Variants in ELF2 observed in about 807,000 individuals in gnomAD.
ELF2 encodes the protein E74 like ETS transcription factor 2, also known as ETS-related transcription factor Elf-2.
Under a neutral mutation model 54.8 loss-of-function variants are expected in ELF2, and 11 were observed. The observed-to-expected ratio is 0.20, with a 90% CI of 0.13 to 0.33. The LOEUF (loss-of-function observed/expected upper bound fraction) is 0.33. ELF2 is among the 10% of genes least tolerant of loss of function. ELF2 has a pLI of 1.00. For synonymous variants in ELF2, 203 were observed against 245.1 expected, an observed-to-expected ratio of 0.83 and a Z score of 1.61; for missense variants, 513 against 703.0, an observed-to-expected ratio of 0.73 and a Z score of 3.06.
intron 1 of ELF2, among the ~76,000 whole-genome samples, chr4:139,158,041 C>G (rs1226006238): frequency 6.6e-6 from 1 of 152,124 alleles, no homozygotes; most frequent in Admixed American, 6.5e-5. Context: ...TTTATTTCAC[C>G]TGGGTGCAGG....
chr4:139,143,754 C>T (rs749296361), intron 1 of ELF2, among the ~76,000 whole-genome samples: 2 of 151,730 alleles, frequency 1.3e-5, no homozygotes, highest in Non-Finnish European at 2.9e-5. Flanking sequence ...CAATCCAGCC[C>T]GGGCAACAGA....
chr4:139,076,125 T>C (rs1054524065), intron 4 of ELF2, among the ~76,000 whole-genome samples: 2 of 152,172 alleles, frequency 1.3e-5, no homozygotes, highest in African/African-American at 4.8e-5. Flanking sequence ...TTGGAAAGCA[T>C]TTATTTTAAA....
At chr4:139,110,240 T>C (rs1478297555) in intron 4 of ELF2, among the ~76,000 whole-genome samples, 1 of 152,174 alleles carries the variant, frequency 6.6e-6, no homozygotes, top group African/African-American at 2.4e-5. Context: ...CTGCTGACCA[T>C]AGCAGAGCAC....
chr4:139,149,025 A>G (rs1258889286), intron 1 of ELF2, among the ~76,000 whole-genome samples: 1 of 152,242 alleles, frequency 6.6e-6, no homozygotes, highest in East Asian at 1.9e-4. Context: ...CAAAAACAAG[A>G]TATTTTAAAC....
Position 139,152,891 on chromosome 4 carries a change from CT to C in ELF2, c.-251-13395del, listed in dbSNP as rs34208004. Among the ~76,000 whole-genome samples the C allele has an allele frequency of 7.9e-3, 824 of 104,024 alleles. 3 individuals carry two copies. The highest frequency in any genetic ancestry group is 0.022 in the African/African-American group (551 of 25,098). 68.2% of individuals were successfully genotyped at this position (104,024 alleles called of 152,430 possible). On this transcript the variant is annotated intron_variant, in intron 1 of 9. Transcript: ENST00000686138. Reference sequence around the variant, plus strand: ...CAGCATCAATAACAATAGTGTCATACTTTTTTTTTTTTTTTTTTTTTTGAGA... The same window carrying C: ...CAGCATCAATAACAATAGTGTCATACTTTTTTTTTTTTTTTTTTTTTGAGA...
chr4:139,125,084 A>C (rs1415046384), intron 4 of ELF2, 80 bp downstream of exon 4: 1 of 1,515,572 alleles, frequency 6.6e-7, no homozygotes, highest in African/African-American at 1.4e-5. Context: ...TTTTCAGTAT[A>C]TTTTTCATCT....
intron 4 of ELF2, among the ~76,000 whole-genome samples, chr4:139,094,502 A>G (rs1281268402): frequency 1.3e-5 from 2 of 152,186 alleles, no homozygotes; most frequent in Non-Finnish European, 2.9e-5. Context: ...GGATGTTTAA[A>G]AGGGGTACTC....
intron 4 of ELF2, among the ~76,000 whole-genome samples, chr4:139,094,763 T>TA (rs1733062753): frequency 6.6e-6 from 1 of 152,176 alleles, no homozygotes; most frequent in Non-Finnish European, 1.5e-5. Context: ...AATGTCATTT[T>TA]AAAAAATGAG....
At chr4:139,136,470 G>C (rs1402782330) in intron 3 of ELF2, among the ~76,000 whole-genome samples, 1 of 150,544 alleles carries the variant, frequency 6.6e-6, no homozygotes, top group East Asian at 1.9e-4. Flanking sequence ...GTCCTAACTT[G>C]TTTCTCAAAC....
rs573625373 is a variant in ELF2, at chr4:139,169,584, G to A, written c.-252+7383C>T. Among the ~76,000 whole-genome samples, 28 of 151,942 alleles carry A rather than the reference G, an allele frequency of 1.8e-4. No individual in the cohort carries two copies. In the South Asian group the frequency reaches 2.7e-3, roughly 15 times the overall value. Reference sequence around the variant, plus strand: ...CTTTAAAAATCTGTCTTGGCCGGGCGCGGTGGCTCATGCCTGTAATCCCAG... The same window carrying A: ...CTTTAAAAATCTGTCTTGGCCGGGCACGGTGGCTCATGCCTGTAATCCCAG... On this transcript the variant is annotated intron_variant, in intron 1 of 9. Transcript: ENST00000686138.
chr4:139,122,451 T>C (rs1281613312), intron 4 of ELF2, among the ~76,000 whole-genome samples: 2 of 152,198 alleles, frequency 1.3e-5, no homozygotes, highest in Non-Finnish European at 2.9e-5. Context: ...TGAAAACTTA[T>C]TCAGATTTTA....
At chr4:139,143,476 C>G (rs1176422361) in intron 1 of ELF2, among the ~76,000 whole-genome samples, 1 of 152,114 alleles carries the variant, frequency 6.6e-6, no homozygotes, top group Non-Finnish European at 1.5e-5. Flanking sequence ...CTTTTGAGAG[C>G]CACACATTAA....
At chr4:139,132,109 T>C (rs1032418637) in intron 3 of ELF2, among the ~76,000 whole-genome samples, 12 of 152,326 alleles carry the variant, frequency 7.9e-5, no homozygotes, top group Admixed American at 7.2e-4. Context: ...TTTCTCAGTA[T>C]GTCTGAGTTT....
At chr4:139,069,720 C>T (rs1232268775) in intron 6 of ELF2, among the ~76,000 whole-genome samples, 1 of 152,104 alleles carries the variant, frequency 6.6e-6, no homozygotes, top group Non-Finnish European at 1.5e-5. Flanking sequence ...AGAAGTACTG[C>T]TATTAAAAAA....
At chr4:139,088,697 C>G (rs1460279596) in intron 4 of ELF2, among the ~76,000 whole-genome samples, 1 of 152,174 alleles carries the variant, frequency 6.6e-6, no homozygotes, top group African/African-American at 2.4e-5. Context: ...TCCACTCTCT[C>G]CAGAATGGTA....
At chr4:139,151,086 A>AAGAAAGAAAGAAAGAAAGAAAGAAAG (rs1739937572) in intron 1 of ELF2, among the ~76,000 whole-genome samples, 1 of 147,944 alleles carries the variant, frequency 6.8e-6, no homozygotes, top group African/African-American at 2.5e-5. Context: ...GAAAGAAAGA[A>AAGAAAGAAAGAAAGAAAGAAAGAAAG]AGAAAGAAAA....
intron 4 of ELF2, among the ~76,000 whole-genome samples, chr4:139,103,296 G>A (rs888791281): frequency 6.6e-6 from 1 of 152,180 alleles, no homozygotes; most frequent in Non-Finnish European, 1.5e-5. Context: ...GCTAAAGATT[G>A]AGTAATGGCT....
chr4:139,060,232 A>G (rs558501639), intron 9 of ELF2, 92 bp downstream of exon 9: 9 of 1,155,946 alleles, frequency 7.8e-6, no homozygotes, highest in East Asian at 2.6e-5. Flanking sequence ...GGTTCTTAGA[A>G]CACTAATATT....
At chr4:139,084,672 T>A (rs1306282870) in intron 4 of ELF2, among the ~76,000 whole-genome samples, 2 of 151,856 alleles carry the variant, frequency 1.3e-5, no homozygotes, top group African/African-American at 4.8e-5. Context: ...TCTGCAATTG[T>A]CCCCCCTCTG....
Sources: gnomAD v4.1 joint callset for allele counts (sites outside exome capture counted in the v4.1 genomes callset) on GRCh38, gnomAD v4.1.1 for gene constraint, MANE v1.5 for transcripts, NCBI Gene and HGNC (gene_info 2026-07-23, HGNC 2026-07-21) for gene names.